CNTROB: variants seen among roughly 807,000 people sequenced by gnomAD.
The protein encoded by CNTROB is centrobin.
CNTROB carries 82 observed loss-of-function variants against 115.7 expected under a neutral mutation model. The ratio of observed to expected loss-of-function variants is 0.71; its 90% CI spans 0.59 to 0.85. CNTROB has a LOEUF of 0.85. CNTROB is among the 40% of genes least tolerant of loss of function. CNTROB has a pLI of 0.00. For missense variants in CNTROB, 1,014 were observed against 1,144.4 expected (o/e 0.89, Z 1.64); for synonymous variants, 439 against 456.4 (o/e 0.96, Z 0.49).
chr17:7,934,960 C>A, intron 3 of CNTROB, 29 bp from the exon 4 acceptor site: 2 of 1,537,770 alleles, frequency 1.3e-6, no homozygotes, highest in Non-Finnish European at 8.7e-7. Flanking sequence ...GCTTTCCCAG[C>A]CCTAACATTC....
In CNTROB at chr17:7,948,933, C is replaced by T. The variant is rs924483124; in HGVS notation, c.2514-152C>T. On this transcript the variant is annotated intron_variant, in intron 17 of 18. Coordinates refer to ENST00000563694, the MANE Select transcript of CNTROB (RefSeq NM_053051.5). The surrounding 1 kb of genome is among the most constrained non-coding windows in gnomAD (Gnocchi z 4.4). ...ACTAGCTAGTGTAACTCGTTATTTA[C>T]TTCCACTAATGTCTCCTCCCAGTTG... 4.1e-5 allele frequency: 60 copies of T among 1,473,654 alleles called. No individual in the cohort carries two copies. Among genetic ancestry groups the T allele is most frequent in the Non-Finnish European group, 5.1e-5 (56 of 1,105,240 alleles). 91.3% of individuals were successfully genotyped at this position (1,473,654 alleles called of 1,614,324 possible).
Position 7,944,377 on chromosome 17 carries a change from A to G in CNTROB, c.1572-99A>G, listed in dbSNP as rs1974268753. 1 of 1,569,480 alleles carries G rather than the reference A, an allele frequency of 6.4e-7. No individual in the cohort carries two copies. Among genetic ancestry groups the G allele is most frequent in the Non-Finnish European group, 8.7e-7 (1 of 1,143,810 alleles). ...CTCTACATGGGCCCCAGCTCCTTTC[A>G]GAATATCAGATGTCCAACATTTCCC... is the stretch of plus-strand genomic sequence containing the variant. On this transcript the variant is annotated intron_variant, in intron 11 of 18. Coordinates refer to ENST00000563694, the MANE Select transcript of CNTROB (RefSeq NM_053051.5). The surrounding 1 kb of genome is among the most constrained non-coding windows in gnomAD (Gnocchi z 4.0).
upstream of CNTROB, chr17:7,932,139 G>GT: frequency 2.4e-6 from 1 of 412,396 alleles, no homozygotes; most frequent in South Asian, 3.0e-5. Context: ...CAGAAGTGAT[G>GT]TGAGTGTCTG....
At position 7,934,446 on chromosome 17, in the gene CNTROB, TC is replaced by T. The variant is rs1163188316; in HGVS notation, c.356-16del. 15 of 1,612,780 alleles carry T rather than the reference TC, an allele frequency of 9.3e-6. No individual in the cohort carries two copies. The highest frequency in any genetic ancestry group is 1.2e-5 in the Non-Finnish European group (14 of 1,178,984). ...TCATTACCTGACTCTGGCTTTGGGG[TC>T]CCTCTGGCTGCCTGCAGGGGATCCT... is the stretch of plus-strand genomic sequence containing the variant. On this transcript the variant is annotated intron_variant, in intron 2 of 18. Transcript: ENST00000563694.
In CNTROB at chr17:7,943,784, C is replaced by A. The variant is rs986744065; in HGVS notation, c.1445+260C>A. On this transcript the variant is annotated intron_variant, in intron 10 of 18. Coordinates refer to ENST00000563694, the MANE Select transcript of CNTROB (RefSeq NM_053051.5). The surrounding 1 kb of genome is among the most constrained non-coding windows in gnomAD (Gnocchi z 4.7). ...TGATGGGTGCAGAATGATAGATGGT[C>A]CAGCTCCCTCACTGGGACAGTGCTG... Among the ~76,000 whole-genome samples the A allele has an allele frequency of 2.0e-5, 3 of 152,170 alleles. No homozygotes were observed. Among genetic ancestry groups the A allele is most frequent in the African/African-American group, 7.2e-5 (3 of 41,424 alleles).
rs758848709 is a variant in CNTROB at position 7,934,133 on chromosome 17, T to C, written c.271-5T>C. ...GCATCTGATTTCCATGTGGCTTTTTTCCAGGATGGTTCTAAGCATATCTTT... is the reference window on the plus strand; with the variant it reads ...GCATCTGATTTCCATGTGGCTTTTTCCCAGGATGGTTCTAAGCATATCTTT... On this transcript the variant is annotated splice_polypyrimidine_tract_variant and splice_region_variant and intron_variant, in intron 1 of 18. Coordinates refer to ENST00000563694, the MANE Select transcript of CNTROB (RefSeq NM_053051.5). The C allele has an allele frequency of 3.1e-6, 5 of 1,613,722 alleles. No homozygotes were observed. Among genetic ancestry groups the C allele is most frequent in the Non-Finnish European group, 1.7e-6 (2 of 1,179,710 alleles).
chr17:7,947,572 T>C lies in CNTROB; in HGVS notation c.1995T>C (p.Ala665=), dbSNP rs146898127. ...EPKPDLTSST[A]GAFSALGAFH... ...ACCCATACCTGTTTCACTTTATAGCTGGGGCCTTCTCTGCACTTGGGGCCT... is the reference window on the plus strand; with the variant it reads ...ACCCATACCTGTTTCACTTTATAGCCGGGGCCTTCTCTGCACTTGGGGCCT... Residue 665 remains alanine, a splice_region_variant and synonymous_variant, in exon 14 of 19, where the codon GCT becomes GCC. Transcript: ENST00000563694. 204 of 1,601,838 alleles carry C rather than the reference T, an allele frequency of 1.3e-4. No homozygotes were observed. The African/African-American group carries it at 2.4e-3, about 19-fold the overall frequency.
At position 7,932,229 on chromosome 17, in the gene CNTROB, G is replaced by A. The variant is rs899593942; in HGVS notation, c.-851G>A. On this transcript the variant is annotated 5_prime_UTR_variant, in exon 1 of 19. Coordinates refer to ENST00000563694, the MANE Select transcript of CNTROB (RefSeq NM_053051.5). Reference sequence around the variant, plus strand: ...GGACAGTGGGCGGGAGGCTGCCAACGGTTTTGAGCGTAGGGGGAGGCGTGA... The same window carrying A: ...GGACAGTGGGCGGGAGGCTGCCAACAGTTTTGAGCGTAGGGGGAGGCGTGA... 6 of 231,476 alleles carry A rather than the reference G, an allele frequency of 2.6e-5. No homozygotes were observed. Among genetic ancestry groups the A allele is most frequent in the African/African-American group, 4.6e-5 (2 of 43,634 alleles). The allele number at this position is 231,476 out of a possible 1,614,324, so 14.3% of individuals were successfully genotyped here.
chr17:7,944,199 G>A lies in CNTROB; in HGVS notation c.1522G>A (p.Ala508Thr). ...GCTAGCTCAGTTCAAGGTGGAAATG[G>A]CAGAACGAGAGGAACGGCAACAGCA... is the stretch of plus-strand genomic sequence containing the variant. ...SQLAQFKVEM[A>T]EREERQQQVA... Residue 508 changes from alanine (A) to threonine (T), a missense_variant, in exon 11 of 19, where the codon GCA becomes ACA. Physicochemically the swap from Ala to Thr is moderately conservative, Grantham distance 58 (BLOSUM62 0). Coordinates refer to ENST00000563694, the MANE Select transcript of CNTROB (RefSeq NM_053051.5). The surrounding 1 kb of genome is among the most constrained non-coding windows in gnomAD (Gnocchi z 4.0). 6.2e-7 allele frequency: 1 copy of A among 1,613,448 alleles called. No individual in the cohort carries two copies. Among genetic ancestry groups the A allele is most frequent in the Non-Finnish European group, 8.5e-7 (1 of 1,179,352 alleles).
intron 5 of CNTROB, 37 bp downstream of exon 5, chr17:7,936,519 G>A (rs1358560520): frequency 1.2e-6 from 1 of 852,416 alleles, no homozygotes; most frequent in Non-Finnish European, 2.1e-6. Flanking sequence ...GTCTCTCCAT[G>A]AAGAGCATTA....
In CNTROB at chr17:7,932,929, A is replaced by G. The variant is rs1972679622; in HGVS notation, c.-151A>G. On this transcript the variant is annotated 5_prime_UTR_variant, in exon 1 of 19. Transcript: ENST00000563694. ...GGTGGAAACCTTTCCTCTAACCAGA[A>G]AGCCTCGATATCCTTAATTCACCAA... 9 of 837,316 alleles carry G rather than the reference A, an allele frequency of 1.1e-5. No individual in the cohort carries two copies. Among genetic ancestry groups the G allele is most frequent in the Admixed American group, 2.7e-5 (1 of 37,446 alleles). The allele number at this position is 837,316 out of a possible 1,614,324, so 51.9% of individuals were successfully genotyped here. A position where few individuals can be genotyped will look rare whatever the true frequency, so the allele number is the denominator to read the frequency against.
chr17:7,936,163 A>C, intron 4 of CNTROB: 1 of 548,346 alleles, frequency 1.8e-6, no homozygotes, highest in Non-Finnish European at 3.3e-6. Context: ...ATCTCCTGAA[A>C]AGGTACAGAA....
chr17:7,947,827 T>G (rs1431863285), intron 14 of CNTROB, 89 bp from the exon 15 acceptor site: 10 of 1,608,182 alleles, frequency 6.2e-6, no homozygotes, highest in Middle Eastern at 3.3e-4. Flanking sequence ...TGTTTATGAC[T>G]AACTCTTTGT....
At position 7,933,360 on chromosome 17, in the gene CNTROB, TG is replaced by T. The variant is rs1160064408; in HGVS notation, c.270+12del. ...AACTTGAAGAAAAAGGTGAGGGAAG[TG>T]TGTCTTGGAGACCACTGTGGCACTA... On this transcript the variant is annotated intron_variant, in intron 1 of 18. Coordinates refer to ENST00000563694, the MANE Select transcript of CNTROB (RefSeq NM_053051.5). 1 of 1,608,410 alleles carries T rather than the reference TG, an allele frequency of 6.2e-7. No individual in the cohort carries two copies. The highest frequency in any genetic ancestry group is 1.7e-5 in the Admixed American group (1 of 59,556).
Position 7,949,570 on chromosome 17 carries a change from T to C in CNTROB, c.*60T>C. 1 of 1,507,988 alleles carries C rather than the reference T, an allele frequency of 6.6e-7. No individual in the cohort carries two copies. Among genetic ancestry groups the C allele is most frequent in the East Asian group, 2.3e-5 (1 of 43,436 alleles). 93.4% of individuals were successfully genotyped at this position (1,507,988 alleles called of 1,614,324 possible). ...TGTTGTTATTTTAATAAATGCTCAT[T>C]AGTCTGTATCAGAGTCTCTGGCTCA... is the stretch of plus-strand genomic sequence containing the variant. On this transcript the variant is annotated 3_prime_UTR_variant, in exon 19 of 19. Coordinates refer to ENST00000563694, the MANE Select transcript of CNTROB (RefSeq NM_053051.5).
At chr17:7,947,802 T>C (rs1396721473) in intron 14 of CNTROB, 80 bp downstream of exon 14, 1 of 1,605,908 alleles carries the variant, frequency 6.2e-7, no homozygotes, top group African/African-American at 1.3e-5. Context: ...AATCCAGGAC[T>C]CTGGCCTCAT....
At chr17:7,941,242 G>C (rs905934780) in intron 9 of CNTROB, among the ~76,000 whole-genome samples, 1 of 152,188 alleles carries the variant, frequency 6.6e-6, no homozygotes, top group African/African-American at 2.4e-5. Context: ...AAGCCAGTCT[G>C]AGAGGCTATG....
chr17:7,937,405 T>C, intron 7 of CNTROB, 143 bp downstream of exon 7: 1 of 929,746 alleles, frequency 1.1e-6, no homozygotes, highest in Admixed American at 2.8e-5. Flanking sequence ...AGAACACTAA[T>C]TCAGCTAGAT....
chr17:7,934,315 A>G, intron 2 of CNTROB, 93 bp downstream of exon 2: 4 of 1,395,710 alleles, frequency 2.9e-6, no homozygotes, highest in Non-Finnish European at 4.1e-6. Context: ...AAAACCTCTG[A>G]GCAAGAGATT....
Sources: gnomAD v4.1 joint callset for allele counts (sites outside exome capture counted in the v4.1 genomes callset) on GRCh38, gnomAD v4.1.1 for gene constraint, Gnocchi (gnomAD v3.1) non-coding constraint, MANE v1.5 for transcripts, NCBI Gene and HGNC (gene_info 2026-07-23, HGNC 2026-07-21) for gene names.